Variants in TESK2 observed in about 807,000 individuals in gnomAD.
TESK2 encodes testis associated actin remodelling kinase 2.
In TESK2, 39 loss-of-function variants were observed where a neutral mutation model predicts 57.1. That is an observed-to-expected ratio of 0.68 (90% CI 0.53 to 0.89). The LOEUF (loss-of-function observed/expected upper bound fraction) is 0.89, where lower values mean the gene tolerates loss of function less well. Ranked by LOEUF, TESK2 falls within the 40% of genes least tolerant of loss-of-function variation. TESK2 has a pLI of 0.00. For synonymous variants in TESK2, 249 were observed against 267.9 expected (o/e 0.93, Z 0.69); for missense variants, 646 against 732.1 (o/e 0.88, Z 1.36).
chr1:45,482,982 A>C (rs1332155804), intron 1 of TESK2, among the ~76,000 whole-genome samples: 1 of 46,100 alleles, frequency 2.2e-5, no homozygotes, highest in South Asian at 8.6e-4. Context: ...CTCCAATTCA[A>C]AAAAAAAAAA....
chr1:45,378,772 T>C (rs773807563), intron 4 of TESK2, among the ~76,000 whole-genome samples: 6 of 152,218 alleles, frequency 3.9e-5, no homozygotes, highest in Non-Finnish European at 7.3e-5. Flanking sequence ...GCAAAGTACC[T>C]AGCCCATAGT....
chr1:45,456,575 G>T (rs539866788), intron 2 of TESK2, among the ~76,000 whole-genome samples: 8 of 149,120 alleles, frequency 5.4e-5, no homozygotes, highest in African/African-American at 1.2e-4. Flanking sequence ...AAATATTTGG[G>T]TTTTTTTTTT....
Position 45,432,429 on chromosome 1 carries a change from C to T in TESK2, c.223-10583G>A, listed in dbSNP as rs556344448. ...TACATTGTCCAGGCACGGTGGCTCA[C>T]GCCTGTAATCCCAGCACTTTTGGAG... On this transcript the variant is annotated intron_variant, in intron 2 of 10. Transcript: ENST00000372086. Among the ~76,000 whole-genome samples, 39 of 151,838 alleles carry T rather than the reference C, an allele frequency of 2.6e-4. No homozygotes were observed. In the East Asian group the frequency reaches 3.6e-3, roughly 14 times the overall value.
At chr1:45,384,598 T>TA (rs2149274307) in intron 4 of TESK2, among the ~76,000 whole-genome samples, 1 of 83,140 alleles carries the variant, frequency 1.2e-5, no homozygotes, top group African/African-American at 5.3e-5. Flanking sequence ...TATTAATTTT[T>TA]TTTTTTTTTT....
chr1:45,456,316 C>T (rs1009278005), intron 2 of TESK2, among the ~76,000 whole-genome samples: 4 of 152,150 alleles, frequency 2.6e-5, no homozygotes, highest in Non-Finnish European at 5.9e-5. Context: ...GTCAGGAGTT[C>T]AAGACCAGCC....
At chr1:45,361,339 T>C (rs1204452712) in intron 4 of TESK2, among the ~76,000 whole-genome samples, 1 of 152,234 alleles carries the variant, frequency 6.6e-6, no homozygotes, top group African/African-American at 2.4e-5. Flanking sequence ...CCCTATAAAA[T>C]GACCCAAGGC....
intron 1 of TESK2, among the ~76,000 whole-genome samples, chr1:45,486,863 C>G (rs1653503754): frequency 6.8e-6 from 1 of 146,164 alleles, no homozygotes; most frequent in South Asian, 2.1e-4. Flanking sequence ...GCTCTTGTTG[C>G]CCAGGCTGGA....
chr1:45,357,710 G>T (rs994416080), intron 4 of TESK2, among the ~76,000 whole-genome samples: 1 of 151,632 alleles, frequency 6.6e-6, no homozygotes, highest in Non-Finnish European at 1.5e-5. Flanking sequence ...GGCCAGGCAC[G>T]GTAGCTCCCA....
intron 4 of TESK2, among the ~76,000 whole-genome samples, chr1:45,382,952 A>G (rs546729131): frequency 6.6e-6 from 1 of 152,336 alleles, no homozygotes; most frequent in Non-Finnish European, 1.5e-5. Context: ...AAGTTCAATT[A>G]ATGTCTACAA....
At chr1:45,360,223 A>G (rs546637653) in intron 4 of TESK2, among the ~76,000 whole-genome samples, 1 of 152,296 alleles carries the variant, frequency 6.6e-6, no homozygotes, top group South Asian at 2.1e-4. Flanking sequence ...TGCTGAAAAG[A>G]AACTGAGCTT....
At chr1:45,355,200 T>G (rs1366439893) in intron 5 of TESK2, 103 bp downstream of exon 5, 6 of 1,325,472 alleles carry the variant, frequency 4.5e-6, no homozygotes, top group Non-Finnish European at 6.2e-6. Context: ...TAAAATATAA[T>G]GAATTATGTC....
At chr1:45,479,932 C>T (rs919780969) in intron 1 of TESK2, among the ~76,000 whole-genome samples, 1 of 150,784 alleles carries the variant, frequency 6.6e-6, no homozygotes, top group Non-Finnish European at 1.5e-5. Flanking sequence ...AAGCCATTCT[C>T]CTGTCTCAGC....
At chr1:45,432,226 T>A (rs1247295620) in intron 2 of TESK2, among the ~76,000 whole-genome samples, 1 of 151,890 alleles carries the variant, frequency 6.6e-6, no homozygotes, top group East Asian at 2.0e-4. Flanking sequence ...TCAGGCATAG[T>A]GGTCCCAGCT....
intron 2 of TESK2, among the ~76,000 whole-genome samples, chr1:45,422,759 T>TTGTTGTTGTTGTTG (rs1570714206): frequency 1.3e-4 from 19 of 147,008 alleles, no homozygotes; most frequent in South Asian, 4.5e-4. Context: ...TGTCTGGTTT[T>TTGTTGTTGTTGTTG]TTGTTGTTGT....
intron 2 of TESK2, among the ~76,000 whole-genome samples, chr1:45,452,800 C>T (rs1311581282): frequency 6.6e-6 from 1 of 151,820 alleles, no homozygotes; most frequent in Non-Finnish European, 1.5e-5. Flanking sequence ...GCCTATAATG[C>T]CAGCACTTTG....
chr1:45,376,955 C>T (rs1207054760), intron 4 of TESK2, among the ~76,000 whole-genome samples: 4 of 152,138 alleles, frequency 2.6e-5, no homozygotes, highest in Non-Finnish European at 5.9e-5. Context: ...TGTGATAGCT[C>T]ACACCTGTAA....
chr1:45,415,221 C>A (rs1221039613), intron 3 of TESK2: 1 of 1,484,458 alleles, frequency 6.7e-7, no homozygotes, highest in Non-Finnish European at 9.4e-7. Flanking sequence ...GGTTGGATGG[C>A]AAGCATGTGG....
At chr1:45,399,728 A>C (rs1649522312) in intron 3 of TESK2, among the ~76,000 whole-genome samples, 1 of 152,234 alleles carries the variant, frequency 6.6e-6, no homozygotes, top group Middle Eastern at 3.4e-3. Flanking sequence ...GGGATTTCAC[A>C]GGCACGAAGA....
intron 3 of TESK2, among the ~76,000 whole-genome samples, chr1:45,407,988 T>C: frequency 6.6e-6 from 1 of 152,208 alleles, no homozygotes; most frequent in East Asian, 1.9e-4. Context: ...CTGAATCTTG[T>C]AATCCTTCGA....
Sources: gnomAD v4.1 joint callset for allele counts (sites outside exome capture counted in the v4.1 genomes callset) on GRCh38, gnomAD v4.1.1 for gene constraint, MANE v1.5 for transcripts, NCBI Gene and HGNC (gene_info 2026-07-23, HGNC 2026-07-21) for gene names.